AMD1: variants seen among roughly 807,000 people sequenced by gnomAD.
The protein encoded by AMD1 is S-adenosylmethionine decarboxylase proenzyme.
Under a neutral mutation model 40.2 loss-of-function variants are expected in AMD1, and 11 were observed. The ratio of observed to expected loss-of-function variants is 0.27; its 90% CI spans 0.17 to 0.45. The LOEUF (loss-of-function observed/expected upper bound fraction) is 0.45. AMD1 is among the 20% of genes least tolerant of loss of function. AMD1 has a pLI of 1.00. For missense variants in AMD1, 257 were observed against 410.2 expected, an observed-to-expected ratio of 0.63 and a Z score of 3.23; for synonymous variants, 121 against 130.8, an observed-to-expected ratio of 0.93 and a Z score of 0.51.
chr6:110,828,303 G>T, the AMD1 span, among the ~76,000 whole-genome samples: 1 of 152,048 alleles, frequency 6.6e-6, no homozygotes. Context: ...TGGGTGGCAG[G>T]CACCTGTAAT....
intron 3 of AMD1, 194 bp from the exon 4 acceptor site, chr6:110,890,060 C>T (rs1785927406): frequency 4.0e-6 from 2 of 501,916 alleles, no homozygotes; most frequent in Admixed American, 3.9e-5. Context: ...CCAGGCTGGA[C>T]TCCTGGGCCA....
the AMD1 span, among the ~76,000 whole-genome samples, chr6:110,865,002 C>G: frequency 6.6e-6 from 1 of 152,138 alleles, no homozygotes. Context: ...AAAAGGCAAC[C>G]GAATACAAAT....
At chr6:110,833,928 A>T in the AMD1 span, among the ~76,000 whole-genome samples, 1 of 152,198 alleles carries the variant, frequency 6.6e-6, no homozygotes. Flanking sequence ...TATGTGGTTT[A>T]TAGTTATCAG....
At chr6:110,846,962 G>A in the AMD1 span, among the ~76,000 whole-genome samples, 1 of 151,734 alleles carries the variant, frequency 6.6e-6, no homozygotes. Flanking sequence ...ACTTTGCAAT[G>A]CACCAAGCAA....
At chr6:110,887,842 T>C (rs778122913) in intron 2 of AMD1, among the ~76,000 whole-genome samples, 23 of 152,230 alleles carry the variant, frequency 1.5e-4, no homozygotes, top group Non-Finnish European at 8.8e-5. Context: ...CCTTCCATCA[T>C]GCCCGGCTAA....
the AMD1 span, among the ~76,000 whole-genome samples, chr6:110,852,200 ATTTTTTTTTTTTTTTTTTTTTTTTTT>A: frequency 1.9e-5 from 1 of 51,300 alleles, no homozygotes; most frequent in Non-Finnish European, 4.1e-5. Flanking sequence ...CGCCTGGCTA[ATTTTTTTTTTTTTTTTTTTTTTTTTT>A]TTTTTTTTTT....
the AMD1 span, among the ~76,000 whole-genome samples, chr6:110,855,408 T>C: frequency 6.6e-6 from 1 of 152,136 alleles, no homozygotes; most frequent in African/African-American, 2.4e-5. Context: ...TAAACAAAAT[T>C]TGCTTACAAA....
chr6:110,817,665 C>T, the AMD1 span, among the ~76,000 whole-genome samples: 1 of 152,198 alleles, frequency 6.6e-6, no homozygotes, highest in Admixed American at 6.5e-5. Flanking sequence ...TTGCCATGCA[C>T]TATAATAACT....
chr6:110,893,162 T>C, intron 8 of AMD1, 97 bp downstream of exon 8: 5 of 1,115,778 alleles, frequency 4.5e-6, no homozygotes, highest in Non-Finnish European at 6.3e-6. Flanking sequence ...AGATAGCACA[T>C]ATACCAGCCA....
At chr6:110,843,396 A>G in the AMD1 span, among the ~76,000 whole-genome samples, 2 of 150,302 alleles carry the variant, frequency 1.3e-5, no homozygotes, top group Non-Finnish European at 3.0e-5. Flanking sequence ...CCGAGGAGGC[A>G]GAGGTTGTAG....
the AMD1 span, among the ~76,000 whole-genome samples, chr6:110,855,065 C>CTTTTTTTTTTTTTTTTTTTTTTTTTT: frequency 3.2e-4 from 26 of 80,464 alleles, 1 homozygote; most frequent in South Asian, 1.7e-3. Flanking sequence ...CTCTCTCTCT[C>CTTTTTTTTTTTTTTTTTTTTTTTTTT]TTTTTTTTTT....
chr6:110,863,801 A>G, the AMD1 span: 27 of 323,600 alleles, frequency 8.3e-5, no homozygotes, highest in Admixed American at 5.9e-4. Flanking sequence ...AAAACTTACC[A>G]TGAAACAAAT....
At chr6:110,885,079 A>G (rs1350079354) in intron 1 of AMD1, among the ~76,000 whole-genome samples, 1 of 152,188 alleles carries the variant, frequency 6.6e-6, no homozygotes, top group African/African-American at 2.4e-5. Flanking sequence ...TTGTAAATTT[A>G]TCTTAGTCAA....
chr6:110,856,002 C>T, the AMD1 span, among the ~76,000 whole-genome samples: 3 of 152,094 alleles, frequency 2.0e-5, no homozygotes, highest in Middle Eastern at 3.2e-3. Flanking sequence ...ATTAATTGAG[C>T]CTGGGAGGTT....
chr6:110,829,128 C>T, the AMD1 span, among the ~76,000 whole-genome samples: 2 of 151,846 alleles, frequency 1.3e-5, no homozygotes, highest in Non-Finnish European at 2.9e-5. Flanking sequence ...CGAGATCACA[C>T]CATTGCACTC....
At chr6:110,865,003 G>A in the AMD1 span, among the ~76,000 whole-genome samples, 2 of 152,156 alleles carry the variant, frequency 1.3e-5, no homozygotes, top group East Asian at 3.8e-4. Context: ...AAAGGCAACC[G>A]AATACAAATG....
At chr6:110,827,147 C>T in the AMD1 span, among the ~76,000 whole-genome samples, 7 of 152,222 alleles carry the variant, frequency 4.6e-5, no homozygotes, top group Admixed American at 1.3e-4. Flanking sequence ...ATAAATTTTA[C>T]GGGAACAGCA....
chr6:110,892,881 T>G (rs765820196), intron 7 of AMD1, 29 bp from the exon 8 acceptor site: 6 of 1,613,242 alleles, frequency 3.7e-6, no homozygotes, highest in Non-Finnish European at 4.2e-6. Flanking sequence ...AGTCTTTCCA[T>G]TCTTAACACT....
At chr6:110,824,907 T>C in the AMD1 span, among the ~76,000 whole-genome samples, 1 of 152,208 alleles carries the variant, frequency 6.6e-6, no homozygotes, top group Non-Finnish European at 1.5e-5. Context: ...ATCTCCTTTT[T>C]ACCTATATGA....
Sources: gnomAD v4.1 joint callset for allele counts (sites outside exome capture counted in the v4.1 genomes callset) on GRCh38, gnomAD v4.1.1 for gene constraint, MANE v1.5 for transcripts, NCBI Gene and HGNC (gene_info 2026-07-23, HGNC 2026-07-21) for gene names.